NT5DC1: variants seen among roughly 807,000 people sequenced by gnomAD.
The protein encoded by NT5DC1 is 5'-nucleotidase domain-containing protein 1.
Under a neutral mutation model 59.4 loss-of-function variants are expected in NT5DC1, and 42 were observed. The ratio of observed to expected loss-of-function variants is 0.71; its 90% CI spans 0.55 to 0.92. NT5DC1 has a LOEUF of 0.92. NT5DC1 is among the 40% of genes least tolerant of loss of function. NT5DC1 has a pLI of 0.00. For missense variants in NT5DC1, 501 were observed against 537.1 expected, an observed-to-expected ratio of 0.93 and a Z score of 0.66; for synonymous variants, 172 against 188.1, an observed-to-expected ratio of 0.91 and a Z score of 0.70.
Position 116,126,047 on chromosome 6 carries a change from G to A in NT5DC1, c.529+8102G>A, listed in dbSNP as rs1221175612. The A allele has an allele frequency of 1.9e-5, 3 of 155,584 alleles. No homozygotes were observed. In the South Asian group the frequency reaches 6.0e-4, roughly 31 times the overall value. The allele number at this position is 155,584 out of a possible 1,614,324, so 9.6% of individuals were successfully genotyped here. Reference sequence around the variant, plus strand: ...CATGGAAGTCCACCAGTAAGCGTACGCTTACCTGCGTGCTGGGAGTTCCTG... The same window carrying A: ...CATGGAAGTCCACCAGTAAGCGTACACTTACCTGCGTGCTGGGAGTTCCTG... On this transcript the variant is annotated intron_variant, in intron 6 of 11. Coordinates refer to ENST00000319550, the MANE Select transcript of NT5DC1 (RefSeq NM_152729.3).
intron 6 of NT5DC1, among the ~76,000 whole-genome samples, chr6:116,163,141 A>AAAAAAATATATATATAT (rs761718922): frequency 4.5e-5 from 4 of 88,406 alleles, no homozygotes; most frequent in African/African-American, 2.3e-4. Flanking sequence ...AAAAAAAAAA[A>AAAAAAATATATATATAT]ATATATATAT....
At chr6:116,139,327 C>T (rs953855817) in intron 6 of NT5DC1, among the ~76,000 whole-genome samples, 4 of 152,052 alleles carry the variant, frequency 2.6e-5, no homozygotes, top group African/African-American at 9.7e-5. Context: ...GATGATTAAA[C>T]TCTTGTGTAG....
At chr6:116,195,459 G>A (rs1179235565) in intron 6 of NT5DC1, among the ~76,000 whole-genome samples, 1 of 151,772 alleles carries the variant, frequency 6.6e-6, no homozygotes, top group East Asian at 1.9e-4. Flanking sequence ...GTTGGTCATG[G>A]CCAAATTGTG....
chr6:116,234,119 C>T (rs2114556697), intron 8 of NT5DC1, among the ~76,000 whole-genome samples: 1 of 151,780 alleles, frequency 6.6e-6, no homozygotes, highest in South Asian at 2.1e-4. Context: ...CACCACCATG[C>T]CCGGCTAATT....
intron 6 of NT5DC1, among the ~76,000 whole-genome samples, chr6:116,156,355 C>T (rs9488853): frequency 0.5 from 76,426 of 151,448 alleles, 20,203 homozygotes; most frequent in African/African-American, 0.67. Flanking sequence ...AGTTGTGTTT[C>T]GTTTATTAGT....
intron 8 of NT5DC1, among the ~76,000 whole-genome samples, chr6:116,230,161 C>G (rs1290553346): frequency 6.6e-6 from 1 of 152,070 alleles, no homozygotes; most frequent in Non-Finnish European, 1.5e-5. Context: ...GCCATCTAAC[C>G]CCTCCCCAAC....
chr6:116,224,484 A>G (rs1781870048), intron 8 of NT5DC1, among the ~76,000 whole-genome samples: 1 of 152,244 alleles, frequency 6.6e-6, no homozygotes. Context: ...GAGGTACAGT[A>G]TATGGGGCAG....
In NT5DC1 at chr6:116,249,369, A is replaced by G. The variant is rs550306364; in HGVS notation, c.*5345A>G. On this transcript the variant is annotated 3_prime_UTR_variant, in exon 12 of 12. Transcript: ENST00000319550. ...CAAATACTTAGCAATTCATTTTCAT[A>G]GATTTTGTAGCATCCACAAAGCCCT... 1.3e-5 allele frequency: 2 copies of G among 152,364 alleles called. No individual in the cohort carries two copies. Among genetic ancestry groups the G allele is most frequent in the South Asian group, 2.1e-4 (1 of 4,830 alleles). 9.4% of individuals were successfully genotyped at this position (152,364 alleles called of 1,614,324 possible).
intron 6 of NT5DC1, among the ~76,000 whole-genome samples, chr6:116,199,513 CA>C (rs1781303119): frequency 6.6e-6 from 1 of 152,074 alleles, no homozygotes; most frequent in South Asian, 2.1e-4. Flanking sequence ...CTTTAAAAAA[CA>C]AAGAAGTCAC....
intron 6 of NT5DC1, among the ~76,000 whole-genome samples, chr6:116,199,182 A>G (rs1197785709): frequency 6.6e-6 from 1 of 152,088 alleles, no homozygotes; most frequent in Non-Finnish European, 1.5e-5. Flanking sequence ...CATGAAAGAC[A>G]GACTCTCCAG....
At chr6:116,136,926 G>A (rs1424029960) in intron 6 of NT5DC1, 1 of 152,244 alleles carries the variant, frequency 6.6e-6, no homozygotes, top group East Asian at 1.9e-4. Context: ...GTGATGGATA[G>A]TATATAAACT....
chr6:116,235,966 T>C (rs1361206428), intron 8 of NT5DC1, among the ~76,000 whole-genome samples: 3 of 152,200 alleles, frequency 2.0e-5, no homozygotes, highest in Admixed American at 6.5e-5. Context: ...GGGACTATGG[T>C]AATTTTGTAT....
intron 8 of NT5DC1, among the ~76,000 whole-genome samples, chr6:116,223,702 G>A (rs908622655): frequency 2.6e-5 from 4 of 152,216 alleles, no homozygotes; most frequent in African/African-American, 9.7e-5. Context: ...GAATAGAGAA[G>A]TTATAGTTTT....
At chr6:116,156,062 T>C (rs1200763404) in intron 6 of NT5DC1, among the ~76,000 whole-genome samples, 2 of 152,310 alleles carry the variant, frequency 1.3e-5, no homozygotes, top group Non-Finnish European at 2.9e-5. Flanking sequence ...AAATATACTT[T>C]CCTAATCATG....
chr6:116,175,999 T>C (rs780194994), intron 6 of NT5DC1, among the ~76,000 whole-genome samples: 1 of 152,208 alleles, frequency 6.6e-6, no homozygotes, highest in Non-Finnish European at 1.5e-5. Flanking sequence ...TAATTTTTGA[T>C]TGAATGCTGG....
At chr6:116,188,719 T>A (rs1781056170) in intron 6 of NT5DC1, among the ~76,000 whole-genome samples, 1 of 151,548 alleles carries the variant, frequency 6.6e-6, no homozygotes, top group Non-Finnish European at 1.5e-5. Context: ...TTTTTTTTTT[T>A]ACCTGATTAG....
chr6:116,213,439 C>A (rs1781623503), intron 6 of NT5DC1, among the ~76,000 whole-genome samples: 1 of 152,068 alleles, frequency 6.6e-6, no homozygotes, highest in Non-Finnish European at 1.5e-5. Flanking sequence ...GGAGTCGAAG[C>A]TGCCAGGCCA....
chr6:116,124,565 GAGTAACAGA>G (rs894846871), intron 6 of NT5DC1, among the ~76,000 whole-genome samples: 39 of 152,258 alleles, frequency 2.6e-4, no homozygotes, highest in African/African-American at 8.7e-4. Context: ...ATAAAACTAG[GAGTAACAGA>G]AGTAGTAGTA....
chr6:116,197,606 C>T (rs1013192644), intron 6 of NT5DC1, among the ~76,000 whole-genome samples: 2 of 152,010 alleles, frequency 1.3e-5, no homozygotes, highest in African/African-American at 2.4e-5. Flanking sequence ...ACCCAAATGT[C>T]GGAGTTAGAC....
Sources: gnomAD v4.1 joint callset for allele counts (sites outside exome capture counted in the v4.1 genomes callset) on GRCh38, gnomAD v4.1.1 for gene constraint, MANE v1.5 for transcripts, NCBI Gene and HGNC (gene_info 2026-07-23, HGNC 2026-07-21) for gene names.